The following PARD3 variants were observed in gnomAD, a reference collection of about 807,000 sequenced individuals.
PARD3 encodes the protein par-3 family cell polarity regulator.
In PARD3, 75 loss-of-function variants were observed where a neutral mutation model predicts 155.4. The observed-to-expected ratio is 0.48, with a 90% CI of 0.40 to 0.58. The LOEUF is 0.58. PARD3 is among the 20% of genes least tolerant of loss of function. The pLI, the probability that PARD3 is intolerant of heterozygous loss-of-function variation, is 0.00. For missense variants in PARD3, 1,642 were observed against 1,721.7 expected, an observed-to-expected ratio of 0.95 and a Z score of 0.82; for synonymous variants, 576 against 610.5, an observed-to-expected ratio of 0.94 and a Z score of 0.83.
chr10:34,231,199 G>GA (rs1296808329), intron 22 of PARD3, among the ~76,000 whole-genome samples: 3 of 119,418 alleles, frequency 2.5e-5, no homozygotes, highest in South Asian at 2.8e-4. Context: ...ATTCTTACAG[G>GA]AAAAAATATA....
intron 21 of PARD3, among the ~76,000 whole-genome samples, chr10:34,272,277 A>G (rs1210571160): frequency 6.6e-6 from 1 of 152,220 alleles, no homozygotes; most frequent in Non-Finnish European, 1.5e-5. Context: ...TACCAAAACC[A>G]TTATCCATAA....
intron 10 of PARD3, 30 bp from the exon 11 acceptor site, chr10:34,375,032 A>T (rs1452453317): frequency 1.3e-6 from 2 of 1,550,062 alleles, no homozygotes; most frequent in Non-Finnish European, 8.9e-7. Flanking sequence ...TTCAGCTGTA[A>T]TCCTGTGGAA....
chr10:34,680,244 C>A (rs749687756), intron 2 of PARD3, among the ~76,000 whole-genome samples: 1 of 152,040 alleles, frequency 6.6e-6, no homozygotes, highest in Non-Finnish European at 1.5e-5. Flanking sequence ...CACCTACAAG[C>A]CTAACCCAAG....
At chr10:34,502,724 G>A (rs1392302065) in intron 3 of PARD3, among the ~76,000 whole-genome samples, 1 of 152,040 alleles carries the variant, frequency 6.6e-6, no homozygotes. Flanking sequence ...AGGATTACTT[G>A]AGTATGGGCA....
chr10:34,476,307 G>A (rs191829893), intron 3 of PARD3, among the ~76,000 whole-genome samples: 2 of 152,224 alleles, frequency 1.3e-5, no homozygotes, highest in East Asian at 1.9e-4. Flanking sequence ...AAAACACTGC[G>A]AGTGTGTGGG....
At chr10:34,398,524 A>G (rs1162670975) in intron 7 of PARD3, among the ~76,000 whole-genome samples, 2 of 152,362 alleles carry the variant, frequency 1.3e-5, no homozygotes, top group East Asian at 1.9e-4. Context: ...ATAGGTCATT[A>G]GAGAGCAAGT....
chr10:34,136,937 C>A (rs937889271), intron 22 of PARD3, among the ~76,000 whole-genome samples: 1 of 152,102 alleles, frequency 6.6e-6, no homozygotes, highest in African/African-American at 2.4e-5. Flanking sequence ...AGCCATTCAA[C>A]ATGTACATAT....
chr10:34,504,436 A>AC (rs1445908432), intron 3 of PARD3, among the ~76,000 whole-genome samples: 1 of 151,812 alleles, frequency 6.6e-6, no homozygotes, highest in African/African-American at 2.4e-5. Context: ...GATTAAAAAA[A>AC]AAAAAAAAAG....
chr10:34,352,900 G>A (rs962121204), intron 14 of PARD3, among the ~76,000 whole-genome samples: 4 of 152,050 alleles, frequency 2.6e-5, no homozygotes, highest in South Asian at 4.1e-4. Flanking sequence ...AGGAAGTGAG[G>A]AGCGTCTCTG....
At chr10:34,453,349 T>C (rs1302421477) in intron 4 of PARD3, among the ~76,000 whole-genome samples, 1 of 152,264 alleles carries the variant, frequency 6.6e-6, no homozygotes, top group African/African-American at 2.4e-5. Flanking sequence ...ACTTTAACTA[T>C]GGTTCTAACT....
intron 22 of PARD3, among the ~76,000 whole-genome samples, chr10:34,241,618 A>G (rs770694057): frequency 1.3e-5 from 2 of 152,220 alleles, no homozygotes; most frequent in Non-Finnish European, 2.9e-5. Flanking sequence ...CGTCTTAATC[A>G]CAGCTGCAAT....
At chr10:34,291,190 C>G (rs1163597481) in intron 20 of PARD3, among the ~76,000 whole-genome samples, 1 of 152,278 alleles carries the variant, frequency 6.6e-6, no homozygotes, top group East Asian at 1.9e-4. Context: ...GAAAAAAAAT[C>G]TAGCCATATA....
At chr10:34,196,686 G>A (rs1355461524) in intron 22 of PARD3, among the ~76,000 whole-genome samples, 1 of 146,136 alleles carries the variant, frequency 6.8e-6, no homozygotes, top group African/African-American at 2.6e-5. Context: ...CCATTCTCCT[G>A]CCTCAGCCTC....
chr10:34,716,716 C>T (rs941207736), intron 1 of PARD3, among the ~76,000 whole-genome samples: 22 of 151,688 alleles, frequency 1.5e-4, no homozygotes, highest in African/African-American at 5.3e-4. Flanking sequence ...CCTCAGCCTC[C>T]CGAGTAGCTG....
intron 1 of PARD3, among the ~76,000 whole-genome samples, chr10:34,720,216 T>A (rs767500471): frequency 6.6e-6 from 1 of 152,202 alleles, no homozygotes; most frequent in Non-Finnish European, 1.5e-5. Flanking sequence ...GTGGATCGCC[T>A]GAGTGTCAGG....
chr10:34,335,743 C>T (rs1172596307), intron 18 of PARD3, among the ~76,000 whole-genome samples: 1 of 152,046 alleles, frequency 6.6e-6, no homozygotes, highest in Non-Finnish European at 1.5e-5. Context: ...GATAGCAATA[C>T]CGGACGTTGT....
intron 20 of PARD3, among the ~76,000 whole-genome samples, chr10:34,292,542 G>C (rs1956724517): frequency 6.6e-6 from 1 of 152,198 alleles, no homozygotes. Flanking sequence ...GCTTTTGTAA[G>C]ACAGGATGCT....
intron 5 of PARD3, among the ~76,000 whole-genome samples, chr10:34,437,630 A>G (rs1430488108): frequency 6.6e-6 from 1 of 152,150 alleles, no homozygotes; most frequent in Admixed American, 6.5e-5. Context: ...ATTTATTTTC[A>G]TTTGAATAAA....
chr10:34,638,409 T>C (rs1233661443), intron 2 of PARD3, among the ~76,000 whole-genome samples: 1 of 152,202 alleles, frequency 6.6e-6, no homozygotes, highest in Non-Finnish European at 1.5e-5. Context: ...TAAACCATGC[T>C]AAGTAGCTAA....
Sources: allele counts gnomAD v4.1 joint callset (sites outside exome capture counted in the v4.1 genomes callset), GRCh38; gene constraint gnomAD v4.1.1; transcripts MANE v1.5; gene names NCBI Gene and HGNC (gene_info 2026-07-23, HGNC 2026-07-21).